KIAA2012: variants seen among roughly 807,000 people sequenced by gnomAD.
KIAA2012 encodes the protein KIAA2012, also known as uncharacterized protein KIAA2012.
In KIAA2012, 125 loss-of-function variants were observed where a neutral mutation model predicts 150.6. The observed-to-expected ratio is 0.83, with a 90% confidence interval of 0.72 to 0.96. KIAA2012 has a LOEUF of 0.96. Ranked by LOEUF, KIAA2012 falls within the 40% of genes least tolerant of loss-of-function variation. The pLI is 0.00. For synonymous variants in KIAA2012, 462 were observed against 504.7 expected (o/e 0.92, Z 1.13); for missense variants, 1,219 against 1,354.9 (o/e 0.90, Z 1.57).
rs1559200531 is a variant in KIAA2012, at chr2:202,093,070, T to C, written c.570T>C (p.Leu190=). The change falls in exon 4 of 24, where the codon CTT becomes CTC. Residue 190 remains leucine, a synonymous_variant. Coordinates refer to ENST00000498697, the MANE Select transcript of KIAA2012 (RefSeq NM_001277372.4). ...KDSVLLQDSQ[L]NVPKKLRPQQ... ...CTGTGCTACTCCAGGACAGTCAACT[T>C]AATGTACCAAAGAAGCTCAGGCCAC... The C allele has an allele frequency of 1.3e-6, 2 of 1,550,692 alleles. No individual in the cohort carries two copies. The highest frequency in any genetic ancestry group is 1.7e-6 in the Non-Finnish European group (2 of 1,146,976).
Position 202,165,296 on chromosome 2 carries a change from GC to G in KIAA2012, c.2060del (p.Ala687AspfsTer27). Reference sequence around the variant, plus strand: ...GTTAACCCAATAGGAAAGTGGAAATGCACTGGACTATCAGGAAGAAGCAGGG... The same window carrying G: ...GTTAACCCAATAGGAAAGTGGAAATGACTGGACTATCAGGAAGAAGCAGGG... ...MTPFLKESGN[A>X]LDYQEEAGRP... On this transcript the variant is annotated frameshift_variant, in exon 15 of 24. Transcript: ENST00000498697. LOFTEE classifies it high-confidence loss of function. 6.5e-7 allele frequency: 1 copy of G among 1,550,312 alleles called. No homozygotes were observed. The highest frequency in any genetic ancestry group is 1.2e-5 in the South Asian group (1 of 84,062).
chr2:202,100,185 C>A, intron 6 of KIAA2012, 122 bp from the exon 7 acceptor site: 1 of 1,069,078 alleles, frequency 9.4e-7, no homozygotes, highest in Non-Finnish European at 1.3e-6. Flanking sequence ...AGGGCTGTCC[C>A]AGTGCCCCAG....
At chr2:202,089,019 G>C (rs1479913936) in intron 2 of KIAA2012, among the ~76,000 whole-genome samples, 1 of 152,204 alleles carries the variant, frequency 6.6e-6, no homozygotes, top group Non-Finnish European at 1.5e-5. Flanking sequence ...CTCACAGGCT[G>C]TCTCCTTCCC....
chr2:202,139,035 G>A (rs538442952), intron 13 of KIAA2012, among the ~76,000 whole-genome samples: 2 of 152,080 alleles, frequency 1.3e-5, no homozygotes, highest in Admixed American at 6.5e-5. Flanking sequence ...TCAGGAGTTC[G>A]AGACCAGCCT....
At chr2:202,157,624 A>G (rs945712390) in intron 14 of KIAA2012, among the ~76,000 whole-genome samples, 1 of 152,228 alleles carries the variant, frequency 6.6e-6, no homozygotes, top group Non-Finnish European at 1.5e-5. Context: ...CTAAGTATGT[A>G]GAATTACTCC....
intron 15 of KIAA2012, among the ~76,000 whole-genome samples, chr2:202,171,168 T>C (rs941509360): frequency 3.4e-5 from 5 of 146,132 alleles, no homozygotes; most frequent in African/African-American, 1.3e-4. Flanking sequence ...CATTCATACA[T>C]AGACACACAC....
Position 202,133,134 on chromosome 2 carries a change from T to A in KIAA2012, c.1832-5298T>A, listed in dbSNP as rs1403611077. On this transcript the variant is annotated intron_variant, in intron 12 of 23. Transcript: ENST00000498697. Reference sequence around the variant, plus strand: ...AATATATATATATATATATATATTTTTTTTTTTTCTGGAGAATGGAGACCA... The same window carrying A: ...AATATATATATATATATATATATTTATTTTTTTTCTGGAGAATGGAGACCA... Among the ~76,000 whole-genome samples, 54 of 112,526 alleles carry A rather than the reference T, an allele frequency of 4.8e-4. 1 individual carries two copies. The highest frequency in any genetic ancestry group is 1.7e-3 in the African/African-American group (47 of 27,982). 73.8% of individuals were successfully genotyped at this position (112,526 alleles called of 152,430 possible). A position where few individuals can be genotyped will look rare whatever the true frequency, so the allele number is the denominator to read the frequency against.
In KIAA2012 at chr2:202,128,714, CTT is replaced by C. The variant is rs68128318; in HGVS notation, c.1831+3447_1831+3448del. Among the ~76,000 whole-genome samples, 330 of 137,360 alleles carry C rather than the reference CTT, an allele frequency of 2.4e-3. 2 individuals carry two copies. Among genetic ancestry groups the C allele is most frequent in the African/African-American group, 7.0e-3 (260 of 37,072 alleles). The allele number at this position is 137,360 out of a possible 152,430, so 90.1% of individuals were successfully genotyped here. ...TAGCTACAACATGGGTGAAACAGGCCTTTTTTTTTTTTTTTTCAGGTTGACTT... is the reference window on the plus strand; with the variant it reads ...TAGCTACAACATGGGTGAAACAGGCCTTTTTTTTTTTTTTCAGGTTGACTT... On this transcript the variant is annotated intron_variant, in intron 12 of 23. Transcript: ENST00000498697.
At chr2:202,137,869 C>T in intron 12 of KIAA2012, 1 of 153,462 alleles carries the variant, frequency 6.5e-6, no homozygotes, top group Non-Finnish European at 1.5e-5. Context: ...GTGGTGCCTT[C>T]TTCCCGGCTG....
intron 12 of KIAA2012, among the ~76,000 whole-genome samples, chr2:202,133,169 T>C (rs368118486): frequency 4.6e-4 from 66 of 144,262 alleles, no homozygotes; most frequent in African/African-American, 1.6e-3. Context: ...ACCACGTGAA[T>C]GACATTTGCT....
In KIAA2012 at chr2:202,090,814, C is replaced by G; in HGVS notation, c.414C>G (p.Ser138Arg). The change falls in exon 3 of 24, where the codon AGC becomes AGG. Residue 138 changes from serine to arginine, a missense_variant. By Grantham distance (110) the Ser-to-Arg change is moderately radical. Coordinates refer to ENST00000498697, the MANE Select transcript of KIAA2012 (RefSeq NM_001277372.4). Reference protein sequence around the residue: ...RAWQPYLHFRSQLESQAQRQI... With the variant: ...RAWQPYLHFRRQLESQAQRQI... ...GGCAACCATACCTCCACTTCCGAAG[C>G]CAGCTGGAGAGCCAGGCCCAACGGC... The G allele has an allele frequency of 6.4e-7, 1 of 1,550,590 alleles. No homozygotes were observed. The highest frequency in any genetic ancestry group is 8.7e-7 in the Non-Finnish European group (1 of 1,146,960).
intron 15 of KIAA2012, among the ~76,000 whole-genome samples, chr2:202,184,064 G>C (rs1259710276): frequency 6.6e-6 from 1 of 152,046 alleles, no homozygotes; most frequent in African/African-American, 2.4e-5. Flanking sequence ...AGTCTCCCTT[G>C]TTGAGCTGTT....
chr2:202,075,418 C>T (rs1175796339), intron 2 of KIAA2012, among the ~76,000 whole-genome samples: 1 of 152,174 alleles, frequency 6.6e-6, no homozygotes, highest in African/African-American at 2.4e-5. Context: ...GCTACATTAT[C>T]ATCATTTTAT....
At chr2:202,106,012 G>T (rs1360698561) in intron 9 of KIAA2012, 102 bp downstream of exon 9, 1 of 1,545,732 alleles carries the variant, frequency 6.5e-7, no homozygotes, top group South Asian at 1.2e-5. Flanking sequence ...AGTCTGGAAG[G>T]GAGGTTAGTT....
chr2:202,125,077 T>TA, intron 11 of KIAA2012, 137 bp from the exon 12 acceptor site: 17 of 709,010 alleles, frequency 2.4e-5, no homozygotes, highest in Middle Eastern at 2.5e-4. Context: ...CTCAAAAATT[T>TA]AAAAAAAAGA....
intron 11 of KIAA2012, among the ~76,000 whole-genome samples, chr2:202,124,772 A>C (rs1286039166): frequency 1.3e-5 from 2 of 152,188 alleles, no homozygotes; most frequent in Non-Finnish European, 2.9e-5. Flanking sequence ...GTGGATTTTC[A>C]AAAACATCCA....
intron 11 of KIAA2012, among the ~76,000 whole-genome samples, chr2:202,118,732 T>A (rs1690586859): frequency 1.3e-5 from 2 of 152,190 alleles, no homozygotes. Context: ...AAGGGCAGGC[T>A]GTGATAGCTG....
rs1405750059 is a variant in KIAA2012 at position 202,156,656 on chromosome 2, C to T, written c.2046+1846C>T. Among the ~76,000 whole-genome samples, 14 of 152,258 alleles carry T rather than the reference C, an allele frequency of 9.2e-5. No individual in the cohort carries two copies. The South Asian group carries it at 1.5e-3, about 16-fold the overall frequency. Reference sequence around the variant, plus strand: ...ATCCCAGCACTTTGGGAGGCCAAGGCGGGCAGATCACGAGGTCAGGAGATC... The same window carrying T: ...ATCCCAGCACTTTGGGAGGCCAAGGTGGGCAGATCACGAGGTCAGGAGATC... On this transcript the variant is annotated intron_variant, in intron 14 of 23. Transcript: ENST00000498697.
chr2:202,129,074 A>G (rs1314535098), intron 12 of KIAA2012, among the ~76,000 whole-genome samples: 1 of 152,058 alleles, frequency 6.6e-6, no homozygotes, highest in Non-Finnish European at 1.5e-5. Flanking sequence ...AGATCGCACC[A>G]TTGCACTCTA....
Sources: allele counts gnomAD v4.1 joint callset (sites outside exome capture counted in the v4.1 genomes callset), GRCh38; gene constraint gnomAD v4.1.1; transcripts MANE v1.5; gene names NCBI Gene and HGNC (gene_info 2026-07-23, HGNC 2026-07-21).